SMARCD3: variants seen among roughly 807,000 people sequenced by gnomAD.
SMARCD3 encodes the protein SWI/SNF-related matrix-associated actin-dependent regulator of chromatin subfamily D member 3.
Under a neutral mutation model 58.0 loss-of-function variants are expected in SMARCD3, and 14 were observed. The observed-to-expected ratio is 0.24, with a 90% CI of 0.16 to 0.38. The LOEUF is 0.38. Among genes scored for constraint, SMARCD3 ranks in the 10% least tolerant of loss-of-function variants. The pLI is 1.00. For missense variants in SMARCD3, 408 were observed against 636.9 expected (o/e 0.64, Z 3.87); for synonymous variants, 253 against 253.8 (o/e 1.00, Z 0.03).
At position 151,242,970 on chromosome 7, in the gene SMARCD3, A is replaced by G; in HGVS notation, c.334-127T>C. ...GGAGCCATCCTACTTTTGGGCATGT[A>G]GCTTTGACAGTGGGAACAGGACCTC... is the stretch of plus-strand genomic sequence containing the variant. On this transcript the variant is annotated intron_variant, in intron 3 of 12. Transcript: ENST00000262188. This position sits in a 1 kb window ranked among gnomAD's most constrained non-coding sequence, Gnocchi z 4.7. 8.8e-7 allele frequency: 1 copy of G among 1,136,610 alleles called. No individual in the cohort carries two copies. The highest frequency in any genetic ancestry group is 1.2e-6 in the Non-Finnish European group (1 of 804,472). 70.4% of individuals were successfully genotyped at this position (1,136,610 alleles called of 1,614,324 possible).
At chr7:151,265,731 C>CCTTTA (rs1804059814) in intron 2 of SMARCD3, among the ~76,000 whole-genome samples, 3 of 152,216 alleles carry the variant, frequency 2.0e-5, no homozygotes, top group Admixed American at 2.0e-4. Flanking sequence ...AGTGCCAAGT[C>CCTTTA]ACCGTTAACC....
In SMARCD3 at chr7:151,238,849, G is replaced by T; in HGVS notation, c.*254C>A. ...TGTTTTTAGGTCTAGGGAAAATTGA[G>T]TAAGGAGAAGAATCCAAGGGAAGGG... On this transcript the variant is annotated 3_prime_UTR_variant, in exon 13 of 13. Coordinates refer to ENST00000262188, the MANE Select transcript of SMARCD3 (RefSeq NM_001003801.2). 6.8e-7 allele frequency: 1 copy of T among 1,464,978 alleles called. No homozygotes were observed. Among genetic ancestry groups the T allele is most frequent in the East Asian group, 2.5e-5 (1 of 40,498 alleles). The allele number at this position is 1,464,978 out of a possible 1,614,324, so 90.7% of individuals were successfully genotyped here.
upstream of SMARCD3, chr7:151,248,738 A>C: frequency 8.5e-7 from 1 of 1,169,940 alleles, no homozygotes; most frequent in Non-Finnish European, 1.1e-6. This position sits in a 1 kb window ranked among gnomAD's most constrained non-coding sequence, Gnocchi z 6.1. Context: ...CCCACGGCCC[A>C]CGCCGCCGCC....
upstream of SMARCD3, among the ~76,000 whole-genome samples, chr7:151,252,450 A>G (rs1803555313): frequency 6.6e-6 from 1 of 151,562 alleles, no homozygotes; most frequent in African/African-American, 2.4e-5. Flanking sequence ...TGAGAGAGAG[A>G]GAGAGCGAGA....
At chr7:151,240,584 T>C in intron 8 of SMARCD3, 62 bp from the exon 9 acceptor site, 6 of 1,230,658 alleles carry the variant, frequency 4.9e-6, no homozygotes, top group Non-Finnish European at 5.9e-6. Flanking sequence ...CATGCAGTTG[T>C]AGATCCTTTT....
chr7:151,247,450 T>G (rs1323085396), intron 1 of SMARCD3, among the ~76,000 whole-genome samples: 3 of 152,056 alleles, frequency 2.0e-5, no homozygotes, highest in Non-Finnish European at 2.9e-5. Context: ...CCAGGGATAC[T>G]GGCCCATCTG....
intron 2 of SMARCD3, among the ~76,000 whole-genome samples, chr7:151,272,150 C>T (rs142337356): frequency 6.6e-6 from 1 of 151,812 alleles, no homozygotes; most frequent in Non-Finnish European, 1.5e-5. Context: ...ACATGGTATC[C>T]CCTTCATTTC....
intron 2 of SMARCD3, among the ~76,000 whole-genome samples, chr7:151,270,390 C>T (rs895991355): frequency 4.6e-5 from 7 of 152,188 alleles, no homozygotes; most frequent in African/African-American, 1.7e-4. Context: ...GCCGTAGAGC[C>T]ACCCCCTCTC....
At chr7:151,252,236 A>G (rs1157823473), upstream of SMARCD3, among the ~76,000 whole-genome samples, 1 of 152,108 alleles carries the variant, frequency 6.6e-6, no homozygotes, top group Non-Finnish European at 1.5e-5. Context: ...AGGGGCTGGA[A>G]GGAGAGAAGA....
Position 151,248,362 on chromosome 7 carries a change from G to C in SMARCD3, c.78+123C>G. On this transcript the variant is annotated intron_variant, in intron 1 of 12. Coordinates refer to ENST00000262188, the MANE Select transcript of SMARCD3 (RefSeq NM_001003801.2). This position sits in a 1 kb window ranked among gnomAD's most constrained non-coding sequence, Gnocchi z 6.1. ...GCACAGTCCCGCGGCCGGGCCGTGG[G>C]CCATGACGCCCCCCACTAGAGGGGT... 1.2e-6 allele frequency: 1 copy of C among 852,602 alleles called. No homozygotes were observed. The highest frequency in any genetic ancestry group is 1.6e-5 in the South Asian group (1 of 61,378). The allele number at this position is 852,602 out of a possible 1,614,324, so 52.8% of individuals were successfully genotyped here.
In SMARCD3 at chr7:151,248,392, G is replaced by T. The variant is rs1393185392; in HGVS notation, c.78+93C>A. 1.8e-6 allele frequency: 2 copies of T among 1,104,546 alleles called. No individual in the cohort carries two copies. Among genetic ancestry groups the T allele is most frequent in the Non-Finnish European group, 2.7e-6 (2 of 733,780 alleles). The allele number at this position is 1,104,546 out of a possible 1,614,324, so 68.4% of individuals were successfully genotyped here. A position where few individuals can be genotyped will look rare whatever the true frequency, so the allele number is the denominator to read the frequency against. ...GACGCCCCCCACTAGAGGGGTGGGA[G>T]AGCGGGAGCGCCCTCCCGGCCCCTC... On this transcript the variant is annotated intron_variant, in intron 1 of 12. Coordinates refer to ENST00000262188, the MANE Select transcript of SMARCD3 (RefSeq NM_001003801.2). The surrounding 1 kb of genome is among the most constrained non-coding windows in gnomAD (Gnocchi z 6.1).
In SMARCD3 at chr7:151,239,275, T is replaced by C; in HGVS notation, c.1399-119A>G. 1 of 1,331,646 alleles carries C rather than the reference T, an allele frequency of 7.5e-7. No individual in the cohort carries two copies. Among genetic ancestry groups the C allele is most frequent in the Non-Finnish European group, 1.1e-6 (1 of 924,562 alleles). 82.5% of individuals were successfully genotyped at this position (1,331,646 alleles called of 1,614,324 possible). A position where few individuals can be genotyped will look rare whatever the true frequency, so the allele number is the denominator to read the frequency against. ...TCTGGGAGCAGGGAGGGCCATTGCA[T>C]GGTGAGGCAGCGTGGTGAAGCTTTA... is the stretch of plus-strand genomic sequence containing the variant. On this transcript the variant is annotated intron_variant, in intron 12 of 12. Transcript: ENST00000262188. This position sits in a 1 kb window ranked among gnomAD's most constrained non-coding sequence, Gnocchi z 7.0.
Position 151,241,402 on chromosome 7 carries a change from G to T in SMARCD3, c.939+90C>A. ...CTTCTGCTACTCAGGAATCTAGAAG[G>T]GAGGGGTGGTAGTTACCTTGGTAGA... On this transcript the variant is annotated intron_variant, in intron 8 of 12. Transcript: ENST00000262188. The surrounding 1 kb of genome is among the most constrained non-coding windows in gnomAD (Gnocchi z 5.3). 9.2e-7 allele frequency: 1 copy of T among 1,087,838 alleles called. No homozygotes were observed. Among genetic ancestry groups the T allele is most frequent in the Non-Finnish European group, 1.4e-6 (1 of 723,074 alleles). 67.4% of individuals were successfully genotyped at this position (1,087,838 alleles called of 1,614,324 possible). A position where few individuals can be genotyped will look rare whatever the true frequency, so the allele number is the denominator to read the frequency against.
intron 2 of SMARCD3, among the ~76,000 whole-genome samples, chr7:151,268,016 T>C (rs1422826122): frequency 1.3e-5 from 2 of 152,130 alleles, no homozygotes; most frequent in Non-Finnish European, 1.5e-5. Context: ...CAATTCTTAA[T>C]GCAGTGTTTC....
At chr7:151,270,528 G>A (rs1328128031) in intron 2 of SMARCD3, among the ~76,000 whole-genome samples, 4 of 152,232 alleles carry the variant, frequency 2.6e-5, no homozygotes, top group Admixed American at 2.6e-4. Context: ...GGTAGGTGCT[G>A]CAAGACAGAA....
At chr7:151,269,484 AG>A (rs1264458994) in intron 2 of SMARCD3, among the ~76,000 whole-genome samples, 1 of 152,234 alleles carries the variant, frequency 6.6e-6, no homozygotes, top group Non-Finnish European at 1.5e-5. Flanking sequence ...CAAAGAAGAC[AG>A]GCCTTTCACA....
intron 2 of SMARCD3, among the ~76,000 whole-genome samples, chr7:151,261,875 G>A (rs530781355): frequency 1.3e-5 from 2 of 152,136 alleles, no homozygotes; most frequent in Non-Finnish European, 2.9e-5. Flanking sequence ...GGCTAATTAC[G>A]GTGGCTCTGG....
chr7:151,243,758 G>A lies in SMARCD3; in HGVS notation c.291-57C>T, dbSNP rs542477262. 163 of 1,202,844 alleles carry A rather than the reference G, an allele frequency of 1.4e-4. 4 individuals carry two copies. The South Asian group carries it at 1.7e-3, about 13-fold the overall frequency. The allele number at this position is 1,202,844 out of a possible 1,614,324, so 74.5% of individuals were successfully genotyped here. A position where few individuals can be genotyped will look rare whatever the true frequency, so the allele number is the denominator to read the frequency against. On this transcript the variant is annotated intron_variant, in intron 2 of 12. Transcript: ENST00000262188. This position sits in a 1 kb window ranked among gnomAD's most constrained non-coding sequence, Gnocchi z 4.4. ...CCATGGCGACAGATCTGGGCGTAACGAGGCCACCTGCTAGATTATCCCGAC... is the reference window on the plus strand; with the variant it reads ...CCATGGCGACAGATCTGGGCGTAACAAGGCCACCTGCTAGATTATCCCGAC...
chr7:151,244,651 G>A (rs1803168329), intron 2 of SMARCD3, among the ~76,000 whole-genome samples: 1 of 152,214 alleles, frequency 6.6e-6, no homozygotes, highest in African/African-American at 2.4e-5. Flanking sequence ...AAATGACGAT[G>A]CACTTTACTA....
Sources: gnomAD v4.1 joint callset for allele counts (sites outside exome capture counted in the v4.1 genomes callset) on GRCh38, gnomAD v4.1.1 for gene constraint, Gnocchi (gnomAD v3.1) non-coding constraint, MANE v1.5 for transcripts, NCBI Gene and HGNC (gene_info 2026-07-23, HGNC 2026-07-21) for gene names.